The following KCNIP4 variants were observed in gnomAD, a reference collection of about 807,000 sequenced individuals.
KCNIP4 encodes the protein potassium voltage-gated channel interacting protein 4.
A neutral mutation model predicts 34.0 loss-of-function variants in KCNIP4; 12 were observed. The ratio of observed to expected loss-of-function variants is 0.35; its 90% CI spans 0.23 to 0.57. KCNIP4 has a LOEUF of 0.57. Ranked by LOEUF, KCNIP4 falls within the 20% of genes least tolerant of loss-of-function variation. The pLI, the probability that KCNIP4 is intolerant of heterozygous loss-of-function variation, is 0.83. For synonymous variants in KCNIP4, 124 were observed against 102.2 expected (o/e 1.21, Z -1.29); for missense variants, 238 against 311.7 (o/e 0.76, Z 1.78).
chr4:21,258,447 G>A (rs1176952936), intron 1 of KCNIP4, among the ~76,000 whole-genome samples: 2 of 152,014 alleles, frequency 1.3e-5, no homozygotes, highest in Non-Finnish European at 2.9e-5. Flanking sequence ...TTCTTTAATT[G>A]GACACCCACT....
At chr4:21,792,064 C>T (rs1355014709) in intron 1 of KCNIP4, among the ~76,000 whole-genome samples, 2 of 144,704 alleles carry the variant, frequency 1.4e-5, no homozygotes, top group African/African-American at 5.1e-5. Flanking sequence ...CCTACACTCT[C>T]TCTGTTTTTT....
intron 1 of KCNIP4, among the ~76,000 whole-genome samples, chr4:21,675,702 A>G (rs1191901032): frequency 1.3e-5 from 2 of 152,184 alleles, no homozygotes; most frequent in Non-Finnish European, 2.9e-5. Context: ...GTTTTCTCTT[A>G]TGAAAAGTAG....
intron 1 of KCNIP4, among the ~76,000 whole-genome samples, chr4:21,923,677 G>C (rs1328848511): frequency 6.6e-6 from 1 of 152,120 alleles, no homozygotes; most frequent in Non-Finnish European, 1.5e-5. Flanking sequence ...CCTCCACGAA[G>C]TCTTCCCCTC....
intron 1 of KCNIP4, among the ~76,000 whole-genome samples, chr4:21,495,489 T>C (rs952395583): frequency 3.9e-5 from 6 of 152,090 alleles, no homozygotes; most frequent in South Asian, 2.1e-4. Context: ...AACAAGGATA[T>C]GGAAACAACC....
chr4:21,869,771 T>G (rs62301418), intron 1 of KCNIP4, among the ~76,000 whole-genome samples: 14 of 123,282 alleles, frequency 1.1e-4, no homozygotes, highest in African/African-American at 3.5e-4. Flanking sequence ...GATAGATAGA[T>G]AGATAGATAG....
intron 5 of KCNIP4, among the ~76,000 whole-genome samples, chr4:20,743,059 G>A (rs892160625): frequency 5.4e-5 from 7 of 129,958 alleles, no homozygotes; most frequent in African/African-American, 1.9e-4. Flanking sequence ...AGGGTGTGAA[G>A]GACCCTTATA....
At chr4:20,769,104 A>C (rs1009028687) in intron 3 of KCNIP4, among the ~76,000 whole-genome samples, 2 of 150,900 alleles carry the variant, frequency 1.3e-5, no homozygotes, top group African/African-American at 4.9e-5. Context: ...CTCAAGTTTC[A>C]GCTCTACTAC....
At chr4:21,103,052 T>C (rs947595437) in intron 1 of KCNIP4, among the ~76,000 whole-genome samples, 1 of 152,074 alleles carries the variant, frequency 6.6e-6, no homozygotes, top group African/African-American at 2.4e-5. Flanking sequence ...GGCATTACAA[T>C]ATTAGTTTTA....
chr4:21,038,007 G>A (rs1056897208), intron 1 of KCNIP4, among the ~76,000 whole-genome samples: 7 of 152,086 alleles, frequency 4.6e-5, no homozygotes, highest in Admixed American at 3.9e-4. Flanking sequence ...CCTTTGAGAC[G>A]GAGTCTCGCT....
intron 1 of KCNIP4, among the ~76,000 whole-genome samples, chr4:21,939,758 T>C (rs1354667988): frequency 2.0e-5 from 3 of 151,872 alleles, no homozygotes; most frequent in South Asian, 2.1e-4. Context: ...TTAAAGGGAG[T>C]TTATGAAAGT....
At chr4:21,724,645 G>A (rs1456948061) in intron 1 of KCNIP4, among the ~76,000 whole-genome samples, 3 of 150,892 alleles carry the variant, frequency 2.0e-5, no homozygotes, top group African/African-American at 7.3e-5. Context: ...CCCTCTGTTG[G>A]TCTAAAAGTT....
At chr4:21,363,442 C>T (rs1316621880) in intron 1 of KCNIP4, among the ~76,000 whole-genome samples, 1 of 152,116 alleles carries the variant, frequency 6.6e-6, no homozygotes, top group East Asian at 1.9e-4. Flanking sequence ...ACAAAGTGAA[C>T]CAGGAGTGTT....
chr4:21,076,275 A>G (rs1308052084), intron 1 of KCNIP4, among the ~76,000 whole-genome samples: 1 of 152,122 alleles, frequency 6.6e-6, no homozygotes, highest in Non-Finnish European at 1.5e-5. Flanking sequence ...TTTCAGGTAC[A>G]CCAATCAGAA....
chr4:21,596,290 G>A (rs1176625756), intron 1 of KCNIP4, among the ~76,000 whole-genome samples: 2 of 152,072 alleles, frequency 1.3e-5, no homozygotes, highest in South Asian at 4.1e-4. Context: ...AAATATTTCA[G>A]TACACCATAA....
At chr4:21,749,717 G>C (rs937425519) in intron 1 of KCNIP4, among the ~76,000 whole-genome samples, 1 of 152,090 alleles carries the variant, frequency 6.6e-6, no homozygotes, top group Non-Finnish European at 1.5e-5. Context: ...GTCACACTGA[G>C]GGTCAGGGCC....
chr4:21,366,820 A>C (rs1719820466), intron 1 of KCNIP4, among the ~76,000 whole-genome samples: 1 of 152,184 alleles, frequency 6.6e-6, no homozygotes, highest in African/African-American at 2.4e-5. Context: ...GGAGGGAGGG[A>C]GAGAGGTAGT....
At chr4:21,112,384 C>T (rs1233617316) in intron 1 of KCNIP4, among the ~76,000 whole-genome samples, 1 of 152,168 alleles carries the variant, frequency 6.6e-6, no homozygotes, top group Non-Finnish European at 1.5e-5. Flanking sequence ...GCCCACTTGT[C>T]CACTGATCCC....
chr4:20,863,120 T>C (rs543363073), intron 2 of KCNIP4, among the ~76,000 whole-genome samples: 3 of 152,122 alleles, frequency 2.0e-5, no homozygotes, highest in Admixed American at 6.6e-5. Flanking sequence ...AAATAATTCA[T>C]GCAAAGCCAG....
At chr4:21,918,746 TGTCCG>T (rs1468457759) in intron 1 of KCNIP4, among the ~76,000 whole-genome samples, 2 of 152,164 alleles carry the variant, frequency 1.3e-5, no homozygotes, top group Non-Finnish European at 2.9e-5. Context: ...TTTAAGACAG[TGTCCG>T]GTCAGATCAC....
Sources: gnomAD v4.1 joint callset for allele counts (sites outside exome capture counted in the v4.1 genomes callset) on GRCh38, gnomAD v4.1.1 for gene constraint, MANE v1.5 for transcripts, NCBI Gene and HGNC (gene_info 2026-07-23, HGNC 2026-07-21) for gene names.